The following NWD1 variants were observed in gnomAD, a reference collection of about 807,000 sequenced individuals.
The protein encoded by NWD1 is NACHT domain- and WD repeat-containing protein 1.
In NWD1, 129 loss-of-function variants were observed where a neutral mutation model predicts 135.1. The observed-to-expected ratio is 0.96, with a 90% confidence interval of 0.83 to 1.11. The LOEUF is 1.11. Among genes scored for constraint, NWD1 ranks in the 50% least tolerant of loss-of-function variants. The pLI is 0.00. For missense variants in NWD1, 1,740 were observed against 1,851.3 expected (o/e 0.94, Z 1.10); for synonymous variants, 773 against 786.0 (o/e 0.98, Z 0.28).
chr19:16,757,303 C>T (rs2122856965), intron 6 of NWD1, among the ~76,000 whole-genome samples: 1 of 152,194 alleles, frequency 6.6e-6, no homozygotes, highest in African/African-American at 2.4e-5. Context: ...CATGCGAGCC[C>T]AAGAAACGCT....
chr19:16,798,275 T>G (rs1194617893), intron 16 of NWD1, among the ~76,000 whole-genome samples: 1 of 152,010 alleles, frequency 6.6e-6, no homozygotes, highest in South Asian at 2.1e-4. Flanking sequence ...TCTCTTTTTT[T>G]CCCCCTCCTT....
At chr19:16,796,458 G>C (rs1008061484) in intron 15 of NWD1, among the ~76,000 whole-genome samples, 1 of 151,990 alleles carries the variant, frequency 6.6e-6, no homozygotes, top group Non-Finnish European at 1.5e-5. Context: ...GAATCAATCA[G>C]GAAAGGGTGG....
intron 18 of NWD1, among the ~76,000 whole-genome samples, chr19:16,810,181 T>C (rs1461594799): frequency 6.6e-6 from 1 of 152,128 alleles, no homozygotes; most frequent in African/African-American, 2.4e-5. Context: ...CTCACACCTG[T>C]AATCCCAGCA....
chr19:16,782,108 GAA>G (rs199751769), intron 12 of NWD1, among the ~76,000 whole-genome samples: 6 of 122,106 alleles, frequency 4.9e-5, no homozygotes, highest in Admixed American at 1.7e-4. Flanking sequence ...AAAAAAAAAA[GAA>G]AAAAAAAAAG....
intron 13 of NWD1, among the ~76,000 whole-genome samples, chr19:16,790,638 A>AAATAGTAAT (rs1555730369): frequency 1.8e-5 from 1 of 56,938 alleles, no homozygotes; most frequent in African/African-American, 5.6e-5. Context: ...ACATTAAAAA[A>AAATAGTAAT]AAATAAATAA....
Position 16,738,178 on chromosome 19 carries a change from C to A in NWD1, c.198+1428C>A, listed in dbSNP as rs77769806. 2,252 of 450,400 alleles carry A rather than the reference C, an allele frequency of 5.0e-3. 50 individuals are homozygous for A. The highest frequency in any genetic ancestry group is 0.041 in the African/African-American group (2,064 of 49,974). 27.9% of individuals were successfully genotyped at this position (450,400 alleles called of 1,614,324 possible). On this transcript the variant is annotated intron_variant, in intron 4 of 18. Coordinates refer to ENST00000524140, the MANE Select transcript of NWD1 (RefSeq NM_001007525.5). Reference sequence around the variant, plus strand: ...CAGAGTTTAGTCGTTCTGACAGAGACCATCTGGCCTGTAAAGCCAAAAGTA... The same window carrying A: ...CAGAGTTTAGTCGTTCTGACAGAGAACATCTGGCCTGTAAAGCCAAAAGTA...
chr19:16,765,648 A>G (rs1388837745), intron 10 of NWD1, among the ~76,000 whole-genome samples: 1 of 152,052 alleles, frequency 6.6e-6, no homozygotes, highest in African/African-American at 2.4e-5. Context: ...TAGAATTTTA[A>G]ATTGAGCCTG....
At chr19:16,741,792 G>C (rs988699693) in intron 4 of NWD1, among the ~76,000 whole-genome samples, 7 of 152,102 alleles carry the variant, frequency 4.6e-5, no homozygotes, top group African/African-American at 1.7e-4. Flanking sequence ...TCTGATTCTA[G>C]ATTGATGCCT....
rs201309637 is a variant in NWD1, at chr19:16,749,518, G to T, written c.876G>T (p.Ala292=). Residue 292 remains alanine (A), a synonymous_variant, in exon 6 of 19, where the codon GCG becomes GCT. Transcript: ENST00000524140. ...RELDTAGQEL[A]WLYQEIRHHL... ...TGGATACGGCCGGACAGGAGTTGGC[G>T]TGGCTCTACCAAGAGATCCGCCACC... 6.2e-6 allele frequency: 10 copies of T among 1,610,866 alleles called. No individual in the cohort carries two copies. Among genetic ancestry groups the T allele is most frequent in the Non-Finnish European group, 7.6e-6 (9 of 1,177,346 alleles).
intron 3 of NWD1, among the ~76,000 whole-genome samples, chr19:16,735,858 GA>G (rs751838537): frequency 0.35 from 25,735 of 74,428 alleles, 3,269 homozygotes; most frequent in Middle Eastern, 0.46. Flanking sequence ...AGGAAGGAAG[GA>G]AGGAAGGAGG....
In NWD1 at chr19:16,773,258, C is replaced by A; in HGVS notation, c.2543C>A (p.Pro848His). Reference sequence around the variant, plus strand: ...TTGTGCGCACACCCTGTGCTGGTGCCCCTCGGAGGATTCCTCCAGCCCCCG... The same window carrying A: ...TTGTGCGCACACCCTGTGCTGGTGCACCTCGGAGGATTCCTCCAGCCCCCG... Reference protein sequence around the residue: ...FQLCAHPVLVPLGGFLQPPGG... With the variant: ...FQLCAHPVLVHLGGFLQPPGG... Residue 848 changes from proline to histidine, a missense_variant, in exon 11 of 19, where the codon CCC becomes CAC. Transcript: ENST00000524140. 1.2e-6 allele frequency: 2 copies of A among 1,613,634 alleles called. No individual in the cohort carries two copies. The highest frequency in any genetic ancestry group is 1.7e-6 in the Non-Finnish European group (2 of 1,180,012).
At chr19:16,728,747 A>G (rs374157106) in intron 2 of NWD1, among the ~76,000 whole-genome samples, 1 of 147,496 alleles carries the variant, frequency 6.8e-6, no homozygotes, top group African/African-American at 2.5e-5. Context: ...GATTGAGACC[A>G]TCCTGGCTAA....
At chr19:16,774,262 A>G (rs774168133) in intron 11 of NWD1, among the ~76,000 whole-genome samples, 8 of 145,952 alleles carry the variant, frequency 5.5e-5, no homozygotes, top group Non-Finnish European at 9.0e-5. Context: ...TCAGTTGTCC[A>G]TTCATCCAAT....
chr19:16,750,776 G>T (rs1244222140), intron 6 of NWD1, among the ~76,000 whole-genome samples: 4 of 152,168 alleles, frequency 2.6e-5, no homozygotes, highest in Non-Finnish European at 4.4e-5. Context: ...GGGTAGCTGG[G>T]ACTACAGGCA....
At chr19:16,735,512 C>CAA (rs961533890) in intron 3 of NWD1, among the ~76,000 whole-genome samples, 1,590 of 130,212 alleles carry the variant, frequency 0.012, 29 homozygotes, top group African/African-American at 0.043. Flanking sequence ...TCCCCCTGAC[C>CAA]AAAAAAAAAA....
chr19:16,778,505 TTTTG>T (rs905233138), intron 11 of NWD1, among the ~76,000 whole-genome samples: 4 of 134,574 alleles, frequency 3.0e-5, no homozygotes, highest in Admixed American at 7.3e-5. Context: ...TTTTTTTTTT[TTTTG>T]TTGTTGTTGT....
In NWD1 at chr19:16,773,199, A is replaced by T; in HGVS notation, c.2484A>T (p.Gly828=). 1 of 1,613,854 alleles carries T rather than the reference A, an allele frequency of 6.2e-7. No individual in the cohort carries two copies. The change falls in exon 11 of 19, where the codon GGA becomes GGT. Residue 828 remains glycine (G), a synonymous_variant. Transcript: ENST00000524140. ...FFATSHPALV[G]QLCQQAQSWF... ...CCACCTCACATCCAGCACTGGTGGG[A>T]CAGCTATGCCAACAGGCCCAGAGCT...
intron 13 of NWD1, among the ~76,000 whole-genome samples, chr19:16,790,268 C>T (rs1303585804): frequency 6.6e-6 from 1 of 152,114 alleles, no homozygotes; most frequent in Non-Finnish European, 1.5e-5. Context: ...CTTATTGCTG[C>T]CTCTTCCTCA....
intron 3 of NWD1, among the ~76,000 whole-genome samples, chr19:16,733,242 C>T (rs934320202): frequency 3.1e-4 from 47 of 151,546 alleles, no homozygotes; most frequent in African/African-American, 1.0e-3. Context: ...AAATCTGGGC[C>T]GGGCGAAGTG....
Sources: allele counts gnomAD v4.1 joint callset (sites outside exome capture counted in the v4.1 genomes callset), GRCh38; gene constraint gnomAD v4.1.1; transcripts MANE v1.5; gene names NCBI Gene and HGNC (gene_info 2026-07-23, HGNC 2026-07-21).